DNMBP: variants seen among roughly 807,000 people sequenced by gnomAD.
The protein encoded by DNMBP is dynamin binding protein.
DNMBP carries 87 observed loss-of-function variants against 150.0 expected under a neutral mutation model. The ratio of observed to expected loss-of-function variants is 0.58; its 90% CI spans 0.49 to 0.69. DNMBP has a LOEUF of 0.69. Among genes scored for constraint, DNMBP ranks in the 30% least tolerant of loss-of-function variants. The pLI, the probability that DNMBP is intolerant of heterozygous loss-of-function variation, is 0.00. For synonymous variants in DNMBP, 711 were observed against 750.4 expected (o/e 0.95, Z 0.86); for missense variants, 1,774 against 1,949.0 (o/e 0.91, Z 1.69).
At chr10:99,891,869 C>T (rs552655687) in intron 11 of DNMBP, among the ~76,000 whole-genome samples, 4 of 151,006 alleles carry the variant, frequency 2.6e-5, no homozygotes, top group East Asian at 2.0e-4. Context: ...GCCACGACCC[C>T]GTCTGGGAGG....
Position 99,917,968 on chromosome 10 carries a change from C to CAA in DNMBP, c.2261-8824_2261-8823dup, listed in dbSNP as rs749252887. ...TGAGCGATGGAGTAAGACTCTGTCT[C>CAA]AAAAAAAAAAAAAAAAAAAAAAGAA... On this transcript the variant is annotated intron_variant, in intron 4 of 16. Transcript: ENST00000324109. Among the ~76,000 whole-genome samples the CAA allele has an allele frequency of 1.7e-3, 88 of 52,030 alleles. 1 individual carries two copies. Among genetic ancestry groups the CAA allele is most frequent in the South Asian group, 2.4e-3 (4 of 1,646 alleles). The allele number at this position is 52,030 out of a possible 152,430, so 34.1% of individuals were successfully genotyped here.
chr10:99,969,811 C>T (rs2040656643), intron 2 of DNMBP, among the ~76,000 whole-genome samples: 1 of 152,178 alleles, frequency 6.6e-6, no homozygotes, highest in Non-Finnish European at 1.5e-5. Flanking sequence ...AGACCCACCA[C>T]CTTGGTCCAT....
chr10:99,990,151 A>G (rs1334540504), intron 1 of DNMBP, among the ~76,000 whole-genome samples: 1 of 152,240 alleles, frequency 6.6e-6, no homozygotes, highest in Non-Finnish European at 1.5e-5. Flanking sequence ...CCACAGAGGT[A>G]CATGAGGTTT....
intron 16 of DNMBP, among the ~76,000 whole-genome samples, chr10:99,877,631 AGATGGGTGGATCACCTGAAGTTGG>A (rs1201556653): frequency 6.6e-5 from 10 of 152,338 alleles, no homozygotes; most frequent in Non-Finnish European, 1.0e-4. Flanking sequence ...TGGGAGGCTG[AGATGGGTGGATCACCTGAAGTTGG>A]GAATTTAAGA....
chr10:99,953,305 C>T (rs2040444697), intron 4 of DNMBP, among the ~76,000 whole-genome samples: 1 of 151,666 alleles, frequency 6.6e-6, no homozygotes, highest in Admixed American at 6.6e-5. Flanking sequence ...CTCTATGTTG[C>T]CCAGGCTGCT....
chr10:99,961,239 C>T (rs1437453328), intron 3 of DNMBP, among the ~76,000 whole-genome samples: 2 of 143,528 alleles, frequency 1.4e-5, no homozygotes, highest in African/African-American at 5.2e-5. Flanking sequence ...CTTCTAATTC[C>T]TTCTTTCAAA....
At chr10:99,878,111 T>C (rs2039304741) in intron 16 of DNMBP, among the ~76,000 whole-genome samples, 1 of 152,198 alleles carries the variant, frequency 6.6e-6, no homozygotes, top group Admixed American at 6.5e-5. Flanking sequence ...TTAAAAAAAC[T>C]ACCTTTTCAG....
rs569149358 is a variant in DNMBP, at chr10:99,923,681, A to G, written c.2261-14535T>C. The stretch of plus-strand genomic sequence containing the variant: ...TTTCAGTACTCTAGTTCTTTCCTCC[A>G]CTGTGTTCCTCACCACCTTCCCCAC... On this transcript the variant is annotated intron_variant, in intron 4 of 16. Coordinates refer to ENST00000324109, the MANE Select transcript of DNMBP (RefSeq NM_015221.4). Among the ~76,000 whole-genome samples the G allele has an allele frequency of 5.6e-4, 85 of 152,018 alleles. 2 individuals are homozygous for G. In the South Asian group the frequency reaches 0.016, roughly 28 times the overall value.
chr10:99,945,616 CAT>C (rs1043778491), intron 4 of DNMBP, among the ~76,000 whole-genome samples: 3 of 152,230 alleles, frequency 2.0e-5, no homozygotes, highest in African/African-American at 7.2e-5. Flanking sequence ...AATTCTGACA[CAT>C]GATTCTGTAC....
intron 1 of DNMBP, among the ~76,000 whole-genome samples, chr10:100,005,243 A>G (rs12244250): frequency 0.046 from 6,992 of 152,246 alleles, 174 homozygotes; most frequent in African/African-American, 0.062. Context: ...TAATCCAGCA[A>G]TTCCACAGAA....
intron 11 of DNMBP, among the ~76,000 whole-genome samples, chr10:99,892,491 G>A (rs538616739): frequency 3.1e-5 from 4 of 126,994 alleles, no homozygotes; most frequent in South Asian, 2.9e-4. Flanking sequence ...CATGTGCTGT[G>A]TCCACTCAGG....
intron 3 of DNMBP, among the ~76,000 whole-genome samples, chr10:99,968,044 C>T (rs2040637699): frequency 6.6e-6 from 1 of 152,134 alleles, no homozygotes; most frequent in Non-Finnish European, 1.5e-5. Flanking sequence ...CAGGGTCTCG[C>T]TCTGTCACCC....
chr10:99,884,508 G>A (rs2133198085), intron 14 of DNMBP, among the ~76,000 whole-genome samples: 1 of 152,232 alleles, frequency 6.6e-6, no homozygotes, highest in South Asian at 2.1e-4. Flanking sequence ...AAATATCTAA[G>A]TGATATTAGT....
At position 99,877,092 on chromosome 10, in the gene DNMBP, C is replaced by CGAAAAACTAA; in HGVS notation, c.*58_*59insTTAGTTTTTC. On this transcript the variant is annotated 3_prime_UTR_variant, in exon 17 of 17. Transcript: ENST00000324109. Reference sequence around the variant, plus strand: ...AGCAGGCGCCCTCTCGGTGGGCCGCCAGAACCCTCGGCGGACTGAAAGCAA... The same window carrying CGAAAAACTAA: ...AGCAGGCGCCCTCTCGGTGGGCCGCCGAAAAACTAAAGAACCCTCGGCGGACTGAAAGCAA... The CGAAAAACTAA allele has an allele frequency of 7.2e-7, 1 of 1,383,414 alleles. No homozygotes were observed. Among genetic ancestry groups the CGAAAAACTAA allele is most frequent in the Non-Finnish European group, 9.5e-7 (1 of 1,056,938 alleles). 85.7% of individuals were successfully genotyped at this position (1,383,414 alleles called of 1,614,324 possible). A position where few individuals can be genotyped will look rare whatever the true frequency, so the allele number is the denominator to read the frequency against.
At chr10:99,979,475 T>A (rs1220084960) in intron 1 of DNMBP, among the ~76,000 whole-genome samples, 1 of 152,176 alleles carries the variant, frequency 6.6e-6, no homozygotes, top group Non-Finnish European at 1.5e-5. Flanking sequence ...TAATCCAGCT[T>A]TGCTCCAATG....
intron 4 of DNMBP, among the ~76,000 whole-genome samples, chr10:99,936,515 CTTTTTTTTTTTT>C (rs34804787): frequency 7.4e-6 from 1 of 134,356 alleles, no homozygotes; most frequent in Non-Finnish European, 1.6e-5. Flanking sequence ...TTTCTTTTTT[CTTTTTTTTTTTT>C]TTTTTGAGAC....
chr10:99,939,492 G>A (rs2040270580), intron 4 of DNMBP, among the ~76,000 whole-genome samples: 1 of 152,246 alleles, frequency 6.6e-6, no homozygotes, highest in Admixed American at 6.5e-5. Flanking sequence ...GAAAGAGATT[G>A]GATCTAAACA....
At chr10:99,968,770 C>CTTAGAATATGATCAG (rs1470501549) in intron 3 of DNMBP, among the ~76,000 whole-genome samples, 1 of 151,728 alleles carries the variant, frequency 6.6e-6, no homozygotes, top group African/African-American at 2.4e-5. Context: ...TAACACTGGA[C>CTTAGAATATGATCAG]TTAGAATATG....
At position 99,877,094 on chromosome 10, in the gene DNMBP, G is replaced by GTCATTAAAA; in HGVS notation, c.*56_*57insTTTTAATGA. On this transcript the variant is annotated 3_prime_UTR_variant, in exon 17 of 17. Coordinates refer to ENST00000324109, the MANE Select transcript of DNMBP (RefSeq NM_015221.4). Reference sequence around the variant, plus strand: ...CAGGCGCCCTCTCGGTGGGCCGCCAGAACCCTCGGCGGACTGAAAGCAAAG... The same window carrying GTCATTAAAA: ...CAGGCGCCCTCTCGGTGGGCCGCCAGTCATTAAAAAACCCTCGGCGGACTGAAAGCAAAG... 1 of 1,415,736 alleles carries GTCATTAAAA rather than the reference G, an allele frequency of 7.1e-7. No homozygotes were observed. Among genetic ancestry groups the GTCATTAAAA allele is most frequent in the South Asian group, 1.6e-5 (1 of 63,868 alleles). The allele number at this position is 1,415,736 out of a possible 1,614,324, so 87.7% of individuals were successfully genotyped here.
Sources: allele counts gnomAD v4.1 joint callset (sites outside exome capture counted in the v4.1 genomes callset), GRCh38; gene constraint gnomAD v4.1.1; transcripts MANE v1.5; gene names NCBI Gene and HGNC (gene_info 2026-07-23, HGNC 2026-07-21).